DUSP5: variants seen among roughly 807,000 people sequenced by gnomAD.
DUSP5 encodes the protein dual specificity phosphatase 5, also known as dual specificity protein phosphatase 5.
DUSP5 carries 22 observed loss-of-function variants against 33.6 expected under a neutral mutation model. The observed-to-expected ratio is 0.66, with a 90% CI of 0.47 to 0.94. The LOEUF is 0.94. Among genes scored for constraint, DUSP5 ranks in the 40% least tolerant of loss-of-function variants. The pLI is 0.00. For missense variants in DUSP5, 551 were observed against 522.1 expected, an observed-to-expected ratio of 1.06 and a Z score of -0.54; for synonymous variants, 270 against 231.1, an observed-to-expected ratio of 1.17 and a Z score of -1.53.
rs1398256247 is a variant in DUSP5, at chr10:110,502,855, C to T, written c.514C>T (p.Pro172Ser). The T allele has an allele frequency of 2.5e-6, 4 of 1,614,162 alleles. No homozygotes were observed. The highest frequency in any genetic ancestry group is 1.1e-5 in the South Asian group (1 of 91,086). ...ACCAGTGGTAAATGTCAGCTACAGG[C>T]CAGCTTATGACCAGGTACGTGATGT... ...GKPVVNVSYR[P>S]AYDQGGPVEI... The change falls in exon 2 of 4, where the codon CCA (proline) becomes TCA (serine). Residue 172 changes from proline to serine, a missense_variant. Transcript: ENST00000369583.
intron 2 of DUSP5, among the ~76,000 whole-genome samples, chr10:110,505,846 G>T (rs1266969171): frequency 6.6e-6 from 1 of 152,102 alleles, no homozygotes; most frequent in African/African-American, 2.4e-5. Flanking sequence ...AAGGTGGATG[G>T]TCTCTGGTTC....
Position 110,498,479 on chromosome 10 carries a change from C to G in DUSP5, c.358C>G (p.Pro120Ala). Residue 120 changes from proline (P) to alanine (A), a missense_variant, in exon 1 of 4, where the codon CCG becomes GCG. By Grantham distance (27) the Pro-to-Ala change is conservative. This residue lies in a region of DUSP5 where 381 missense variants were observed against 310.4 expected (regional missense o/e 1.23). Coordinates refer to ENST00000369583, the MANE Select transcript of DUSP5 (RefSeq NM_004419.4). ...GCTACTCGCTTGCCTACCCGCCGGC[C>G]CGCGGGTCTACTTCCTCAAAGGTGA... ...TSLLACLPAG[P>A]RVYFLKGGYE... 1.3e-6 allele frequency: 2 copies of G among 1,543,764 alleles called. No homozygotes were observed. The highest frequency in any genetic ancestry group is 1.7e-6 in the Non-Finnish European group (2 of 1,154,454).
chr10:110,510,457 A>G lies in DUSP5; in HGVS notation c.*31A>G. On this transcript the variant is annotated 3_prime_UTR_variant, in exon 4 of 4. Coordinates refer to ENST00000369583, the MANE Select transcript of DUSP5 (RefSeq NM_004419.4). ...GGATGGAGGAATCGGCCCAGCCCCA[A>G]GAGCAACTGTGATTTTTGTTTTTAA... 1 of 1,512,442 alleles carries G rather than the reference A, an allele frequency of 6.6e-7. No individual in the cohort carries two copies. Among genetic ancestry groups the G allele is most frequent in the Non-Finnish European group, 8.9e-7 (1 of 1,127,680 alleles). 93.7% of individuals were successfully genotyped at this position (1,512,442 alleles called of 1,614,324 possible).
rs2134666062 is a variant in DUSP5 at position 110,510,624 on chromosome 10, A to G, written c.*198A>G. On this transcript the variant is annotated 3_prime_UTR_variant, in exon 4 of 4. Transcript: ENST00000369583. ...AGGTTCTCGGGACTGAAGGAAGGCC[A>G]AGCCATTACGGGAGCACAGCATGTG... 1.4e-6 allele frequency: 1 copy of G among 713,420 alleles called. No homozygotes were observed. Among genetic ancestry groups the G allele is most frequent in the South Asian group, 2.1e-5 (1 of 46,598 alleles). 44.2% of individuals were successfully genotyped at this position (713,420 alleles called of 1,614,324 possible).
intron 1 of DUSP5, among the ~76,000 whole-genome samples, chr10:110,501,967 G>A (rs182639320): frequency 7.6e-5 from 11 of 144,298 alleles, no homozygotes; most frequent in African/African-American, 2.7e-4. Context: ...TTATTGATTG[G>A]GGGGGGGGTG....
rs763344116 is a variant in DUSP5, at chr10:110,510,131, A to G, written c.860A>G (p.Lys287Arg). Residue 287 changes from lysine to arginine, a missense_variant, in exon 4 of 4, where the codon AAG becomes AGG. This residue lies in a region of DUSP5 where 158 missense variants were observed against 181.8 expected (regional missense o/e 0.87). Transcript: ENST00000369583. ...ATGAAGACCAAGCAGTTCCGCCTGA[A>G]GGAGGCCTTCGATTACATCAAGCAG... is the stretch of plus-strand genomic sequence containing the variant. ...YLMKTKQFRL[K>R]EAFDYIKQRR... 3 of 1,614,190 alleles carry G rather than the reference A, an allele frequency of 1.9e-6. No individual in the cohort carries two copies. The South Asian group carries it at 3.3e-5, about 18-fold the overall frequency.
chr10:110,504,491 C>T (rs1860095258), intron 2 of DUSP5, among the ~76,000 whole-genome samples: 2 of 152,188 alleles, frequency 1.3e-5, no homozygotes, highest in African/African-American at 2.4e-5. Flanking sequence ...TTTCCAGGCA[C>T]TCAGGAGAGG....
Position 110,498,094 on chromosome 10 carries a change from G to C in DUSP5, c.-28G>C, listed in dbSNP as rs1859979261. On this transcript the variant is annotated 5_prime_UTR_variant, in exon 1 of 4. Transcript: ENST00000369583. ...TGGGCACCCGCGGGGCGCGCGGCGC[G>C]GGGCCGCTGGCCGGCGGCGGCGGCG... 1.6e-6 allele frequency: 2 copies of C among 1,230,226 alleles called. No individual in the cohort carries two copies. The highest frequency in any genetic ancestry group is 2.4e-5 in the South Asian group (1 of 42,186). The allele number at this position is 1,230,226 out of a possible 1,614,324, so 76.2% of individuals were successfully genotyped here.
chr10:110,498,251 A>C lies in DUSP5; in HGVS notation c.130A>C (p.Asn44His). 1 of 1,502,194 alleles carries C rather than the reference A, an allele frequency of 6.7e-7. No homozygotes were observed. 93.1% of individuals were successfully genotyped at this position (1,502,194 alleles called of 1,614,324 possible). A position where few individuals can be genotyped will look rare whatever the true frequency, so the allele number is the denominator to read the frequency against. ...TGCCTCGAACGTGCGCGGCTCGCTC[A>C]ACGTCAACCTCAACTCGGTGGTGCT... is the stretch of plus-strand genomic sequence containing the variant. ...FAASNVRGSL[N>H]VNLNSVVLRR... The change falls in exon 1 of 4, where the codon AAC (asparagine) becomes CAC (histidine). Residue 44 changes from asparagine (N) to histidine (H), a missense_variant. Physicochemically the swap from Asn to His is moderately conservative, Grantham distance 68 (BLOSUM62 1). Around this residue, in one of 3 missense-constraint regions of DUSP5, gnomAD observed 381 missense variants for 310.4 expected, o/e 1.23. Transcript: ENST00000369583.
At chr10:110,499,769 T>G (rs1002121407) in intron 1 of DUSP5, among the ~76,000 whole-genome samples, 1 of 152,198 alleles carries the variant, frequency 6.6e-6, no homozygotes, top group Non-Finnish European at 1.5e-5. Context: ...TGCAGAGGTT[T>G]CAGCGTGCCT....
chr10:110,499,732 G>T (rs575796944), intron 1 of DUSP5, among the ~76,000 whole-genome samples: 15 of 152,324 alleles, frequency 9.8e-5, no homozygotes, highest in African/African-American at 3.6e-4. Flanking sequence ...CTATCCCCCA[G>T]GGGATAGAGG....
At chr10:110,503,093 CAA>C (rs1335841326) in intron 2 of DUSP5, among the ~76,000 whole-genome samples, 2 of 152,162 alleles carry the variant, frequency 1.3e-5, no homozygotes, top group African/African-American at 4.8e-5. Context: ...AACGAGCTGA[CAA>C]GAGCAAACCA....
chr10:110,498,192 T>A lies in DUSP5; in HGVS notation c.71T>A (p.Val24Glu). The A allele has an allele frequency of 6.7e-7, 1 of 1,499,394 alleles. No individual in the cohort carries two copies. Among genetic ancestry groups the A allele is most frequent in the Admixed American group, 2.0e-5 (1 of 51,262 alleles). The allele number at this position is 1,499,394 out of a possible 1,614,324, so 92.9% of individuals were successfully genotyped here. Residue 24 changes from valine to glutamate, a missense_variant, in exon 1 of 4, where the codon GTG becomes GAG. Physicochemically the swap from Val to Glu is moderately radical, Grantham distance 121. This residue lies in a region of DUSP5 where 381 missense variants were observed against 310.4 expected (regional missense o/e 1.23). Transcript: ENST00000369583. ...CGCAAGGAGGCGGCGGCGCGCTGCG[T>A]GGTGCTCGACTGCCGGCCCTATCTG... ...MLRKEAAARC[V>E]VLDCRPYLAF...
At chr10:110,500,137 T>C (rs1182049858) in intron 1 of DUSP5, among the ~76,000 whole-genome samples, 2 of 152,250 alleles carry the variant, frequency 1.3e-5, no homozygotes, top group African/African-American at 4.8e-5. Context: ...TACCTTTAGA[T>C]AGTTTTTCAT....
intron 1 of DUSP5, 86 bp from the exon 2 acceptor site, chr10:110,502,635 C>G: frequency 2.0e-6 from 3 of 1,486,722 alleles, no homozygotes; most frequent in Non-Finnish European, 2.8e-6. Flanking sequence ...GTGTAACACT[C>G]AGAGTATTGA....
At chr10:110,501,047 A>G (rs1452624389) in intron 1 of DUSP5, among the ~76,000 whole-genome samples, 3 of 152,218 alleles carry the variant, frequency 2.0e-5, no homozygotes, top group Non-Finnish European at 4.4e-5. Context: ...GGGAGGGCCC[A>G]GGTCATTCTG....
At chr10:110,509,940 C>A in intron 3 of DUSP5, 80 bp from the exon 4 acceptor site, 3 of 1,506,470 alleles carry the variant, frequency 2.0e-6, no homozygotes, top group Non-Finnish European at 1.8e-6. Flanking sequence ...CTAGGTTACT[C>A]CAGTGTTTGA....
At position 110,510,145 on chromosome 10, in the gene DUSP5, T is replaced by C. The variant is rs767946209; in HGVS notation, c.874T>C (p.Tyr292His). The C allele has an allele frequency of 1.2e-6, 2 of 1,614,202 alleles. No homozygotes were observed. The highest frequency in any genetic ancestry group is 1.7e-6 in the Non-Finnish European group (2 of 1,180,024). Residue 292 changes from tyrosine (Y) to histidine (H), a missense_variant, in exon 4 of 4, where the codon TAC becomes CAC. By Grantham distance (83) the Tyr-to-His change is moderately conservative. This residue lies in a region of DUSP5 where 158 missense variants were observed against 181.8 expected (regional missense o/e 0.87). Coordinates refer to ENST00000369583, the MANE Select transcript of DUSP5 (RefSeq NM_004419.4). ...KQFRLKEAFDYIKQRRSMVSP... is the reference protein window; with the variant it reads ...KQFRLKEAFDHIKQRRSMVSP... ...GTTCCGCCTGAAGGAGGCCTTCGAT[T>C]ACATCAAGCAGAGGAGGAGCATGGT... is the stretch of plus-strand genomic sequence containing the variant.
chr10:110,501,840 A>G (rs1860053065), intron 1 of DUSP5, among the ~76,000 whole-genome samples: 1 of 152,068 alleles, frequency 6.6e-6, no homozygotes, highest in African/African-American at 2.4e-5. Flanking sequence ...AAGAAGGCTT[A>G]CTTATATTTG....
Sources: gnomAD v4.1 joint callset for allele counts (sites outside exome capture counted in the v4.1 genomes callset) on GRCh38, gnomAD v4.1.1 for gene constraint, gnomAD v4.1.1 regional missense constraint, MANE v1.5 for transcripts, NCBI Gene and HGNC (gene_info 2026-07-23, HGNC 2026-07-21) for gene names.